Variants in CDKN2B-AS1 observed in about 807,000 individuals in gnomAD.
The protein encoded by CDKN2B-AS1 is CDKN2B antisense RNA 1 (non-protein coding).
At chr9:22,090,314 A>G (rs1159383752) in intron 4 of CDKN2B-AS1, among the ~76,000 whole-genome samples, 1 of 152,192 alleles carries the variant, frequency 6.6e-6, no homozygotes, top group Non-Finnish European at 1.5e-5. Flanking sequence ...TTATAGCAGC[A>G]TGATTTATAA....
chr9:22,083,609 T>TTATAAA (rs1824773354), intron 4 of CDKN2B-AS1, among the ~76,000 whole-genome samples: 1 of 152,214 alleles, frequency 6.6e-6, no homozygotes, highest in Non-Finnish European at 1.5e-5. Flanking sequence ...GCACCCTAGG[T>TTATAAA]GATGCTGAAG....
intron 1 of CDKN2B-AS1, among the ~76,000 whole-genome samples, chr9:22,035,404 G>C (rs764438701): frequency 1.3e-5 from 2 of 151,998 alleles, no homozygotes; most frequent in African/African-American, 4.8e-5. Flanking sequence ...ATAGATATGG[G>C]TGCATGTGTT....
chr9:22,030,426 A>G (rs1822420622), intron 1 of CDKN2B-AS1: 1 of 152,132 alleles, frequency 6.6e-6, no homozygotes. Flanking sequence ...TGTACTTCCT[A>G]TCTGGGTATT....
chr9:22,091,142 T>C (rs987273593), intron 4 of CDKN2B-AS1, among the ~76,000 whole-genome samples: 3 of 152,236 alleles, frequency 2.0e-5, no homozygotes, highest in Non-Finnish European at 2.9e-5. Context: ...GTTGTAGATA[T>C]GTGGCATTAT....
chr9:22,073,306 A>G (rs1307761495), intron 4 of CDKN2B-AS1, among the ~76,000 whole-genome samples: 1 of 152,206 alleles, frequency 6.6e-6, no homozygotes, highest in Non-Finnish European at 1.5e-5. Flanking sequence ...CAATATTTTC[A>G]CGATTCAAAA....
intron 1 of CDKN2B-AS1, among the ~76,000 whole-genome samples, chr9:22,036,471 C>A (rs1373749010): frequency 6.6e-6 from 1 of 152,070 alleles, no homozygotes; most frequent in Non-Finnish European, 1.5e-5. Context: ...CATCAAATAA[C>A]AAAGTTAGTC....
chr9:22,124,085 T>A (rs1481640755), intron 4 of CDKN2B-AS1, among the ~76,000 whole-genome samples: 2 of 151,426 alleles, frequency 1.3e-5, no homozygotes, highest in Non-Finnish European at 3.0e-5. Context: ...CTTTTTGTAG[T>A]TTTTTTATGA....
intron 1 of CDKN2B-AS1, among the ~76,000 whole-genome samples, chr9:22,026,594 C>A (rs185544734): frequency 5.3e-5 from 8 of 152,290 alleles, no homozygotes; most frequent in African/African-American, 1.4e-4. Flanking sequence ...TCCTGTGAGG[C>A]GCTGTGGAAG....
At chr9:22,052,938 T>G (rs1163802937) in intron 3 of CDKN2B-AS1, among the ~76,000 whole-genome samples, 1 of 152,228 alleles carries the variant, frequency 6.6e-6, no homozygotes, top group Non-Finnish European at 1.5e-5. Flanking sequence ...ATGAAACCAA[T>G]ACCTTCTAGA....
At chr9:22,062,275 G>A (rs1486925149) in intron 4 of CDKN2B-AS1, among the ~76,000 whole-genome samples, 1 of 152,160 alleles carries the variant, frequency 6.6e-6, no homozygotes, top group Non-Finnish European at 1.5e-5. Context: ...TTTTTGTTTA[G>A]CTTACAGAAA....
In CDKN2B-AS1 at chr9:22,006,112, C is replaced by T. The variant is rs779087967; in HGVS notation, n.29+10951C>T. ...AGCCGCGCCCCGGCCCGGTGCAGCA[C>T]CACCAGCGTGTCCAGGAAGCCCTCC... On this transcript the variant is annotated intron_variant and non_coding_transcript_variant, in intron 1 of 4. Transcript: ENST00000650946. This position sits in a 1 kb window ranked among gnomAD's most constrained non-coding sequence, Gnocchi z 6.4. 3 of 1,610,312 alleles carry T rather than the reference C, an allele frequency of 1.9e-6. No individual in the cohort carries two copies. The highest frequency in any genetic ancestry group is 2.7e-5 in the African/African-American group (2 of 74,932).
intron 1 of CDKN2B-AS1, among the ~76,000 whole-genome samples, chr9:22,022,397 C>T (rs1057208430): frequency 8.6e-5 from 13 of 151,972 alleles, no homozygotes; most frequent in African/African-American, 3.1e-4. Flanking sequence ...AACCCTTTAC[C>T]ATTATGTAAT....
chr9:22,023,028 G>T (rs969730347), intron 1 of CDKN2B-AS1, among the ~76,000 whole-genome samples: 3 of 152,018 alleles, frequency 2.0e-5, no homozygotes, highest in Admixed American at 6.6e-5. Flanking sequence ...TTTGTAACCT[G>T]GGCTTTCTCT....
rs1820879062 is a variant in CDKN2B-AS1, at chr9:22,000,648, C to T, written n.29+5487C>T. On this transcript the variant is annotated intron_variant and non_coding_transcript_variant, in intron 1 of 4. Coordinates refer to ENST00000650946, the Ensembl canonical transcript of CDKN2B-AS1. This position sits in a 1 kb window ranked among gnomAD's most constrained non-coding sequence, Gnocchi z 4.1. ...AACAGTCACCCTCTAGAAGAAAACT[C>T]TGTGTTGACAATAATCTGCTGACTT... Among the ~76,000 whole-genome samples the T allele has an allele frequency of 6.6e-6, 1 of 152,126 alleles. No homozygotes were observed. Among genetic ancestry groups the T allele is most frequent in the Non-Finnish European group, 1.5e-5 (1 of 67,990 alleles).
chr9:22,055,812 A>G (rs867365253), intron 3 of CDKN2B-AS1, among the ~76,000 whole-genome samples: 5 of 152,122 alleles, frequency 3.3e-5, no homozygotes, highest in African/African-American at 1.2e-4. Context: ...TTGAGGACCT[A>G]CTGCATACCA....
At chr9:22,080,461 C>A (rs148732600) in intron 4 of CDKN2B-AS1, among the ~76,000 whole-genome samples, 1 of 152,242 alleles carries the variant, frequency 6.6e-6, no homozygotes, top group South Asian at 2.1e-4. Flanking sequence ...GTTCACAATA[C>A]ACTGTGGAGG....
chr9:22,101,060 A>T (rs1056872448), intron 4 of CDKN2B-AS1, among the ~76,000 whole-genome samples: 6 of 152,206 alleles, frequency 3.9e-5, no homozygotes, highest in African/African-American at 1.4e-4. Flanking sequence ...TTGACTGAGG[A>T]TAATGATCCA....
intron 4 of CDKN2B-AS1, chr9:22,065,716 G>C (rs1038622300): frequency 3.3e-5 from 5 of 152,122 alleles, no homozygotes; most frequent in African/African-American, 1.2e-4. Context: ...GGAGTAATGA[G>C]CTACACCTAC....
intron 4 of CDKN2B-AS1, among the ~76,000 whole-genome samples, chr9:22,071,758 A>G (rs1056966399): frequency 6.6e-6 from 1 of 152,164 alleles, no homozygotes. Flanking sequence ...TTTCGTATTA[A>G]TGAGTTCAAC....
Sources: allele counts gnomAD v4.1 joint callset (sites outside exome capture counted in the v4.1 genomes callset), GRCh38; gene constraint gnomAD v4.1.1; non-coding constraint Gnocchi (gnomAD v3.1); transcripts MANE v1.5; gene names NCBI Gene and HGNC (gene_info 2026-07-23, HGNC 2026-07-21).